PALS2: variants seen among roughly 807,000 people sequenced by gnomAD.
PALS2 encodes protein PALS2.
PALS2 carries 27 observed loss-of-function variants against 61.6 expected under a neutral mutation model. That is an observed-to-expected ratio of 0.44 (90% CI 0.32 to 0.60). The LOEUF is 0.60. Ranked by LOEUF, PALS2 falls within the 20% of genes least tolerant of loss-of-function variation. The pLI is 0.05. For missense variants in PALS2, 554 were observed against 639.4 expected (o/e 0.87, Z 1.44); for synonymous variants, 236 against 218.6 (o/e 1.08, Z -0.70).
At chr7:24,575,829 T>C (rs1782622797) in intron 1 of PALS2, among the ~76,000 whole-genome samples, 1 of 152,230 alleles carries the variant, frequency 6.6e-6, no homozygotes, top group African/African-American at 2.4e-5. Context: ...ATTTATACTT[T>C]TGACATCACT....
chr7:24,679,100 T>G, intron 9 of PALS2, 31 bp from the exon 10 acceptor site: 2 of 1,598,328 alleles, frequency 1.3e-6, no homozygotes, highest in Non-Finnish European at 1.7e-6. Flanking sequence ...AAAATTTCTT[T>G]GTACAAAAAT....
At chr7:24,604,110 C>G (rs1783809251) in intron 1 of PALS2, among the ~76,000 whole-genome samples, 2 of 150,266 alleles carry the variant, frequency 1.3e-5, no homozygotes, top group African/African-American at 4.9e-5. Context: ...ACACAGGAGG[C>G]TGAGGTGGGA....
In PALS2 at chr7:24,680,002, GA is replaced by G. The variant is rs367997524; in HGVS notation, c.1318-389del. On this transcript the variant is annotated intron_variant, in intron 10 of 11. Coordinates refer to ENST00000222644, the MANE Select transcript of PALS2 (RefSeq NM_001303037.2). The stretch of plus-strand genomic sequence containing the variant: ...AGATCTTTTTGTGGTAGTTACTGTA[GA>G]GCTTTTTTTCTTTGTAATTGCTATA... 2.0e-4 allele frequency among the ~76,000 whole-genome samples: 31 copies of G among 152,132 alleles called. 1 individual carries two copies. In the East Asian group the frequency reaches 5.4e-3, roughly 27 times the overall value.
chr7:24,665,585 T>C lies in PALS2; in HGVS notation c.784-3T>C. Reference sequence around the variant, plus strand: ...GATGTACAATTCATTAATTTGATTCTAGGCTAGCCATGTAAAAGAGGGAGG... The same window carrying C: ...GATGTACAATTCATTAATTTGATTCCAGGCTAGCCATGTAAAAGAGGGAGG... On this transcript the variant is annotated splice_polypyrimidine_tract_variant and splice_region_variant and intron_variant, in intron 6 of 11. Transcript: ENST00000222644. 1 of 1,613,308 alleles carries C rather than the reference T, an allele frequency of 6.2e-7. No homozygotes were observed. Among genetic ancestry groups the C allele is most frequent in the Non-Finnish European group, 8.5e-7 (1 of 1,179,406 alleles).
intron 2 of PALS2, among the ~76,000 whole-genome samples, chr7:24,635,339 C>T (rs1370532391): frequency 1.3e-5 from 2 of 151,996 alleles, no homozygotes; most frequent in Non-Finnish European, 2.9e-5. Flanking sequence ...TTTTAAATTT[C>T]ATTTTCAGAT....
In PALS2 at chr7:24,587,740, C is replaced by G. The variant is rs1783127899; in HGVS notation, c.-3+14147C>G. Among the ~76,000 whole-genome samples the G allele has an allele frequency of 1.3e-5, 2 of 151,862 alleles. 1 individual carries two copies. Among genetic ancestry groups the G allele is most frequent in the South Asian group, 4.2e-4 (2 of 4,814 alleles). ...TCAGAAAGTTTCACTTTACTTTTGTCTGAGTCTTCCTCTCTGACATCTTCT... is the reference window on the plus strand; with the variant it reads ...TCAGAAAGTTTCACTTTACTTTTGTGTGAGTCTTCCTCTCTGACATCTTCT... On this transcript the variant is annotated intron_variant, in intron 1 of 11. Coordinates refer to ENST00000222644, the MANE Select transcript of PALS2 (RefSeq NM_001303037.2).
chr7:24,597,236 C>G (rs1252557765), intron 1 of PALS2: 1 of 152,088 alleles, frequency 6.6e-6, no homozygotes, highest in African/African-American at 2.4e-5. Flanking sequence ...CATATAGAAA[C>G]TAGATGAAGC....
At chr7:24,665,929 A>G in intron 7 of PALS2, 92 bp from the exon 8 acceptor site, 1 of 1,236,620 alleles carries the variant, frequency 8.1e-7, no homozygotes, top group South Asian at 1.4e-5. Context: ...CACATTGGGG[A>G]GATAATTCTC....
rs576128108 is a variant in PALS2, at chr7:24,596,013, A to G, written c.-3+22420A>G. ...GGAAAGAGTTGGAGAAGTTGAACGC[A>G]GAGAGGTACAGTGGGTGACAAATCA... On this transcript the variant is annotated intron_variant, in intron 1 of 11. Coordinates refer to ENST00000222644, the MANE Select transcript of PALS2 (RefSeq NM_001303037.2). The surrounding 1 kb of genome is among the most constrained non-coding windows in gnomAD (Gnocchi z 4.5). Among the ~76,000 whole-genome samples, 12 of 152,126 alleles carry G rather than the reference A, an allele frequency of 7.9e-5. No individual in the cohort carries two copies. The highest frequency in any genetic ancestry group is 2.4e-4 in the African/African-American group (10 of 41,530).
chr7:24,635,883 T>C (rs929043185), intron 2 of PALS2, among the ~76,000 whole-genome samples: 2 of 151,980 alleles, frequency 1.3e-5, no homozygotes, highest in Admixed American at 1.3e-4. Flanking sequence ...ATTTTGTACA[T>C]ACACACACAC....
chr7:24,685,098 GCT>G lies in PALS2; in HGVS notation c.1447-2333_1447-2332del, dbSNP rs138948880. Among the ~76,000 whole-genome samples, 857 of 151,930 alleles carry G rather than the reference GCT, an allele frequency of 5.6e-3. 3 individuals carry two copies. The highest frequency in any genetic ancestry group is 9.9e-3 in the Non-Finnish European group (671 of 67,952). On this transcript the variant is annotated intron_variant, in intron 11 of 11. Coordinates refer to ENST00000222644, the MANE Select transcript of PALS2 (RefSeq NM_001303037.2). The stretch of plus-strand genomic sequence containing the variant: ...ACATCCATTAGCTATTCTTCCTGAT[GCT>G]CTCTCTTCCTCGTGCTCCCACCCTG...
At position 24,573,782 on chromosome 7, in the gene PALS2, G is replaced by A. The variant is rs866203589; in HGVS notation, c.-3+189G>A. On this transcript the variant is annotated intron_variant, in intron 1 of 11. Coordinates refer to ENST00000222644, the MANE Select transcript of PALS2 (RefSeq NM_001303037.2). The surrounding 1 kb of genome is among the most constrained non-coding windows in gnomAD (Gnocchi z 5.3). ...AGGCGGCGGCGGCGGCGCCGCGGTC[G>A]GGGAGGCTGCTGGCCGCCCCCAGCC... Among the ~76,000 whole-genome samples the A allele has an allele frequency of 2.7e-5, 4 of 147,694 alleles. No individual in the cohort carries two copies. The South Asian group carries it at 8.3e-4, about 31-fold the overall frequency.
chr7:24,615,402 C>T (rs957926068), intron 1 of PALS2, among the ~76,000 whole-genome samples: 1 of 151,770 alleles, frequency 6.6e-6, no homozygotes, highest in Non-Finnish European at 1.5e-5. Flanking sequence ...AGAAACAAAA[C>T]ATGTCATAAC....
At chr7:24,656,158 T>C (rs894069912) in intron 5 of PALS2, among the ~76,000 whole-genome samples, 1 of 152,170 alleles carries the variant, frequency 6.6e-6, no homozygotes, top group African/African-American at 2.4e-5. Flanking sequence ...CCTGGAACTA[T>C]GGTTTAAGAA....
At chr7:24,622,472 G>A (rs1784559420) in intron 1 of PALS2, among the ~76,000 whole-genome samples, 1 of 151,652 alleles carries the variant, frequency 6.6e-6, no homozygotes, top group African/African-American at 2.4e-5. Context: ...TGGATTGTTT[G>A]TCACCAGTGT....
chr7:24,641,285 T>A (rs1785539121), intron 2 of PALS2, among the ~76,000 whole-genome samples: 1 of 152,182 alleles, frequency 6.6e-6, no homozygotes, highest in African/African-American at 2.4e-5. Context: ...TTAAAAAATA[T>A]TAACATATAA....
chr7:24,639,429 C>G (rs562393075), intron 2 of PALS2, among the ~76,000 whole-genome samples: 2 of 152,018 alleles, frequency 1.3e-5, no homozygotes, highest in South Asian at 2.1e-4. Flanking sequence ...CACACACACA[C>G]ACACTACTTA....
chr7:24,605,391 A>G (rs1233613652), intron 1 of PALS2, among the ~76,000 whole-genome samples: 2 of 152,228 alleles, frequency 1.3e-5, no homozygotes, highest in Non-Finnish European at 2.9e-5. Context: ...ACATGGTTTC[A>G]TATGTACTAA....
intron 1 of PALS2, among the ~76,000 whole-genome samples, chr7:24,588,081 A>G (rs1293735106): frequency 6.6e-6 from 1 of 152,150 alleles, no homozygotes; most frequent in Non-Finnish European, 1.5e-5. Flanking sequence ...TAAGCAATTC[A>G]TTGGGACAGA....
Sources: gnomAD v4.1 joint callset for allele counts (sites outside exome capture counted in the v4.1 genomes callset) on GRCh38, gnomAD v4.1.1 for gene constraint, Gnocchi (gnomAD v3.1) non-coding constraint, MANE v1.5 for transcripts, NCBI Gene and HGNC (gene_info 2026-07-23, HGNC 2026-07-21) for gene names.